Variants in RASSF4 observed in about 807,000 individuals in gnomAD.
RASSF4 encodes ras association domain-containing protein 4.
In RASSF4, 38 loss-of-function variants were observed where a neutral mutation model predicts 41.1. The observed-to-expected ratio is 0.92, with a 90% CI of 0.71 to 1.21. The LOEUF (loss-of-function observed/expected upper bound fraction) is 1.21, where lower values mean the gene tolerates loss of function less well. Ranked by LOEUF, RASSF4 falls within the 50% of genes most tolerant of loss-of-function variation. RASSF4 has a pLI of 0.00. For synonymous variants in RASSF4, 179 were observed against 163.4 expected (o/e 1.10, Z -0.73); for missense variants, 414 against 419.4 (o/e 0.99, Z 0.11).
chr10:44,977,328 T>C (rs888930001), intron 3 of RASSF4: 26 of 1,503,866 alleles, frequency 1.7e-5, no homozygotes, highest in Non-Finnish European at 2.1e-5. Context: ...GTGACCACCA[T>C]GGAGGAGACG....
At chr10:44,965,186 T>C (rs1371756228) in intron 1 of RASSF4, among the ~76,000 whole-genome samples, 1 of 152,248 alleles carries the variant, frequency 6.6e-6, no homozygotes, top group Non-Finnish European at 1.5e-5. Flanking sequence ...CAGAGACTTA[T>C]ATACCATTTT....
At chr10:44,973,948 C>T (rs1249966426) in intron 3 of RASSF4, among the ~76,000 whole-genome samples, 5 of 152,232 alleles carry the variant, frequency 3.3e-5, no homozygotes, top group Non-Finnish European at 5.9e-5. Context: ...GGGTTTGACC[C>T]GGTCTCCATG....
At position 44,961,379 on chromosome 10, in the gene RASSF4, C is replaced by T. The variant is rs754481453; in HGVS notation, c.-39+1513C>T. ...CATGACAGATAACAAAGAACATGAA[C>T]GAAACTTGGGTGTGTGTCAGAGTTC... On this transcript the variant is annotated intron_variant, in intron 1 of 10. Coordinates refer to ENST00000340258, the MANE Select transcript of RASSF4 (RefSeq NM_032023.4). 7.2e-5 allele frequency among the ~76,000 whole-genome samples: 11 copies of T among 152,308 alleles called. No homozygotes were observed. The East Asian group carries it at 9.7e-4, about 13-fold the overall frequency.
chr10:44,974,211 C>T (rs969654878), intron 3 of RASSF4, among the ~76,000 whole-genome samples: 1 of 152,244 alleles, frequency 6.6e-6, no homozygotes, highest in Non-Finnish European at 1.5e-5. Flanking sequence ...CATCCCAGGC[C>T]AGTCTCTCCT....
At chr10:44,964,555 T>C (rs1840831530) in intron 1 of RASSF4, among the ~76,000 whole-genome samples, 1 of 152,258 alleles carries the variant, frequency 6.6e-6, no homozygotes, top group East Asian at 1.9e-4. Context: ...TGACTCCTGC[T>C]GCCACCCATG....
At chr10:44,982,300 C>A in intron 3 of RASSF4, 2 of 638,006 alleles carry the variant, frequency 3.1e-6, no homozygotes, top group East Asian at 5.9e-5. Flanking sequence ...CTGCGCTGTG[C>A]CCCTGGCCAG....
intron 3 of RASSF4, chr10:44,978,264 C>T (rs187286248): frequency 5.7e-6 from 3 of 524,626 alleles, no homozygotes; most frequent in East Asian, 3.4e-5. Flanking sequence ...TTATCATTAT[C>T]GTTTCAGAAT....
chr10:44,986,633 C>T (rs1210678569), intron 6 of RASSF4, among the ~76,000 whole-genome samples: 2 of 152,212 alleles, frequency 1.3e-5, no homozygotes, highest in Non-Finnish European at 2.9e-5. Flanking sequence ...TAAGGGAAGT[C>T]CCAAAGAAAA....
chr10:44,975,644 C>G (rs1016324133), intron 3 of RASSF4, among the ~76,000 whole-genome samples: 2 of 146,758 alleles, frequency 1.4e-5, no homozygotes, highest in Non-Finnish European at 3.0e-5. Flanking sequence ...TACAAGGGCC[C>G]CACCAGGAGG....
chr10:44,960,434 G>A (rs1449669983), intron 1 of RASSF4, among the ~76,000 whole-genome samples: 1 of 152,240 alleles, frequency 6.6e-6, no homozygotes, highest in African/African-American at 2.4e-5. Context: ...TTTACCGGAT[G>A]AGTTGGTGAT....
intron 1 of RASSF4, among the ~76,000 whole-genome samples, chr10:44,962,531 TG>T (rs1214532024): frequency 1.3e-5 from 2 of 152,170 alleles, no homozygotes; most frequent in Non-Finnish European, 2.9e-5. Context: ...CACACAGGCC[TG>T]GGGCAGTGGA....
intron 3 of RASSF4, among the ~76,000 whole-genome samples, chr10:44,978,962 T>G (rs1841583353): frequency 6.6e-6 from 1 of 152,222 alleles, no homozygotes; most frequent in South Asian, 2.1e-4. Context: ...GGTGTTTTTC[T>G]GCCTGTAGGA....
intron 3 of RASSF4, chr10:44,980,932 G>C (rs775932042): frequency 6.6e-6 from 1 of 152,172 alleles, no homozygotes; most frequent in Non-Finnish European, 1.5e-5. Flanking sequence ...GCACCAGTGA[G>C]TATCAAAAAC....
At chr10:44,967,487 T>C (rs1840948615) in intron 1 of RASSF4, among the ~76,000 whole-genome samples, 1 of 152,220 alleles carries the variant, frequency 6.6e-6, no homozygotes, top group African/African-American at 2.4e-5. Flanking sequence ...ATTCCTGGCT[T>C]CTTATGAAAC....
In RASSF4 at chr10:44,984,863, G is replaced by T; in HGVS notation, c.424G>T (p.Asp142Tyr). ...CCCCCAGCTGATGCGGACCAAGAGC[G>T]ACGCCAGTTGCATGAGCCAGAGGAG... ...EAPQLMRTKSDASCMSQRRPK... is the reference protein window; with the variant it reads ...EAPQLMRTKSYASCMSQRRPK... Residue 142 changes from aspartate (D) to tyrosine (Y), a missense_variant, in exon 6 of 11, where the codon GAC (aspartate) becomes TAC (tyrosine). Transcript: ENST00000340258. 1 of 1,613,604 alleles carries T rather than the reference G, an allele frequency of 6.2e-7. No individual in the cohort carries two copies. The highest frequency in any genetic ancestry group is 8.5e-7 in the Non-Finnish European group (1 of 1,179,992).
At chr10:44,988,648 G>T (rs1367431701) in intron 6 of RASSF4, among the ~76,000 whole-genome samples, 2 of 152,222 alleles carry the variant, frequency 1.3e-5, no homozygotes, top group Admixed American at 6.5e-5. Context: ...TGCACAGATC[G>T]CTTCGCCTTG....
chr10:44,990,149 C>T (rs1842058061), intron 8 of RASSF4, among the ~76,000 whole-genome samples: 1 of 152,202 alleles, frequency 6.6e-6, no homozygotes, highest in South Asian at 2.1e-4. Context: ...GTGCATCAGG[C>T]CCTGGCCCTC....
intron 2 of RASSF4, 141 bp from the exon 3 acceptor site, chr10:44,971,632 T>A: frequency 1.3e-6 from 1 of 764,744 alleles, no homozygotes; most frequent in Non-Finnish European, 2.4e-6. Context: ...CAGTCTGGTC[T>A]CCTCTGGTTA....
intron 1 of RASSF4, among the ~76,000 whole-genome samples, chr10:44,962,362 G>T (rs539369257): frequency 3.9e-5 from 6 of 152,248 alleles, no homozygotes; most frequent in African/African-American, 1.4e-4. Flanking sequence ...TTGTGTGTGT[G>T]TTTGCACGTG....
Sources: allele counts gnomAD v4.1 joint callset (sites outside exome capture counted in the v4.1 genomes callset), GRCh38; gene constraint gnomAD v4.1.1; transcripts MANE v1.5; gene names NCBI Gene and HGNC (gene_info 2026-07-23, HGNC 2026-07-21).